Variants in TUFT1 observed in about 807,000 individuals in gnomAD.
The protein encoded by TUFT1 is tuftelin 1.
Under a neutral mutation model 57.8 loss-of-function variants are expected in TUFT1, and 43 were observed. The observed-to-expected ratio is 0.74, with a 90% CI of 0.58 to 0.96. The LOEUF (loss-of-function observed/expected upper bound fraction) is 0.96, where lower values mean the gene tolerates loss of function less well. Among genes scored for constraint, TUFT1 ranks in the 40% least tolerant of loss-of-function variants. TUFT1 has a pLI of 0.00. For missense variants in TUFT1, 459 were observed against 489.0 expected (o/e 0.94, Z 0.58); for synonymous variants, 166 against 176.7 (o/e 0.94, Z 0.48).
intron 6 of TUFT1, among the ~76,000 whole-genome samples, chr1:151,568,595 A>C (rs1666153181): frequency 6.6e-6 from 1 of 152,254 alleles, no homozygotes; most frequent in Non-Finnish European, 1.5e-5. Context: ...TTTAAAGGCC[A>C]TTGGCTCAGG....
In TUFT1 at chr1:151,540,378, G is replaced by A; in HGVS notation, c.12G>A (p.Thr4=). The part of the protein sequence containing the change: MNG[T]RNWCTLVDVH... Reference sequence around the variant, plus strand: ...GACCCCGAGGGAAGATGAACGGGACGCGGAACTGGTGTACCCTGGTGGACG... The same window carrying A: ...GACCCCGAGGGAAGATGAACGGGACACGGAACTGGTGTACCCTGGTGGACG... Residue 4 remains threonine, a synonymous_variant, in exon 1 of 13, where the codon ACG becomes ACA. Coordinates refer to ENST00000368849, the MANE Select transcript of TUFT1 (RefSeq NM_020127.3). 6.2e-7 allele frequency: 1 copy of A among 1,614,160 alleles called. No individual in the cohort carries two copies. Among genetic ancestry groups the A allele is most frequent in the Non-Finnish European group, 8.5e-7 (1 of 1,179,992 alleles).
intron 7 of TUFT1, among the ~76,000 whole-genome samples, chr1:151,570,735 G>A (rs1172008310): frequency 6.6e-6 from 1 of 151,228 alleles, no homozygotes; most frequent in African/African-American, 2.4e-5. Flanking sequence ...TGGAGACAGG[G>A]TCTCACTCTA....
intron 1 of TUFT1, among the ~76,000 whole-genome samples, chr1:151,553,419 A>G (rs1665573170): frequency 6.6e-6 from 1 of 152,180 alleles, no homozygotes; most frequent in African/African-American, 2.4e-5. Flanking sequence ...TTTAATAGAA[A>G]GAGAGGTGGA....
intron 1 of TUFT1, among the ~76,000 whole-genome samples, chr1:151,543,703 G>T (rs1174061067): frequency 6.6e-6 from 1 of 152,140 alleles, no homozygotes; most frequent in East Asian, 1.9e-4. Context: ...GCTGTTTTAG[G>T]TCTCTGCACC....
rs1439362514 is a variant in TUFT1 at position 151,574,446 on chromosome 1, G to A, written c.723+48G>A. On this transcript the variant is annotated intron_variant, in intron 8 of 12. Coordinates refer to ENST00000368849, the MANE Select transcript of TUFT1 (RefSeq NM_020127.3). ...CAGTGCCTGGACTCCTGGGCTGGAA[G>A]GGGCCTGCAGGTGGATCGAAACGGT... 2.5e-6 allele frequency: 4 copies of A among 1,606,876 alleles called. No homozygotes were observed. The African/African-American group carries it at 5.4e-5, about 22-fold the overall frequency.
chr1:151,548,332 C>T (rs1037628094), intron 1 of TUFT1, among the ~76,000 whole-genome samples: 1 of 129,094 alleles, frequency 7.7e-6, no homozygotes, highest in East Asian at 2.4e-4. Context: ...GAGACGGAGT[C>T]TTGCTCTGTC....
intron 11 of TUFT1, among the ~76,000 whole-genome samples, chr1:151,580,325 G>T (rs771869956): frequency 5.3e-5 from 8 of 152,090 alleles, no homozygotes; most frequent in African/African-American, 1.7e-4. Flanking sequence ...ATAGAATAGC[G>T]TATCAACAAA....
rs57179871 is a variant in TUFT1 at position 151,566,308 on chromosome 1, T to TTCTCTC, written c.480+95_480+100dup. 24 of 908,412 alleles carry TTCTCTC rather than the reference T, an allele frequency of 2.6e-5. No individual in the cohort carries two copies. In the East Asian group the frequency reaches 3.8e-4, roughly 14 times the overall value. The allele number at this position is 908,412 out of a possible 1,614,324, so 56.3% of individuals were successfully genotyped here. On this transcript the variant is annotated intron_variant, in intron 6 of 12. Coordinates refer to ENST00000368849, the MANE Select transcript of TUFT1 (RefSeq NM_020127.3). ...CCTCCCCATCCTTTTGTTTATTGCT[T>TTCTCTC]TCTCTCTCTCTCTCTCTCTCATTAA... is the stretch of plus-strand genomic sequence containing the variant.
At chr1:151,562,003 C>T in intron 1 of TUFT1, 88 bp from the exon 2 acceptor site, 1 of 1,481,374 alleles carries the variant, frequency 6.8e-7, no homozygotes, top group Non-Finnish European at 9.4e-7. Context: ...CTCCACAGAG[C>T]TGGCAGAAGC....
At chr1:151,562,234 C>T in intron 2 of TUFT1, 69 bp downstream of exon 2, 2 of 1,385,540 alleles carry the variant, frequency 1.4e-6, no homozygotes, top group Non-Finnish European at 2.0e-6. Context: ...GGCCTCTTAC[C>T]CAAGTACTGC....
At chr1:151,570,971 T>C (rs12068250) in intron 7 of TUFT1, among the ~76,000 whole-genome samples, 3,182 of 152,200 alleles carry the variant, frequency 0.021, 106 homozygotes, top group African/African-American at 0.073. Flanking sequence ...CCTCCCAAAA[T>C]GTGGGGATTA....
At position 151,581,037 on chromosome 1, in the gene TUFT1, G is replaced by A. The variant is rs145044030; in HGVS notation, c.1104G>A (p.Pro368=). The A allele has an allele frequency of 1.6e-5, 26 of 1,613,942 alleles. No individual in the cohort carries two copies. The African/African-American group carries it at 1.9e-4, about 12-fold the overall frequency. ...AGGCCCGGGCCAAGACAGAGAACCC[G>A]GGCAGGTGAGTGAGCGTGTGTAGAT... ...STQARAKTEN[P]GSIRISKPPS... The change falls in exon 12 of 13, where the codon CCG becomes CCA. Residue 368 remains proline (P), a synonymous_variant. Transcript: ENST00000368849.
At position 151,579,654 on chromosome 1, in the gene TUFT1, G is replaced by C; in HGVS notation, c.930G>C (p.Gln310His). 1.9e-6 allele frequency: 3 copies of C among 1,613,952 alleles called. No homozygotes were observed. The highest frequency in any genetic ancestry group is 2.5e-6 in the Non-Finnish European group (3 of 1,179,930). ...TGTCTCCCACACCTTTGCAGCTCCA[G>C]AATTCAAAAGCTGTGATCCAGTCAA... ...RKVRQMIEQL[Q>H]NSKAVIQSKD... The change falls in exon 11 of 13, where the codon CAG becomes CAC. Residue 310 changes from glutamine to histidine, a missense_variant. Gln to His is a conservative substitution (Grantham distance 24). Coordinates refer to ENST00000368849, the MANE Select transcript of TUFT1 (RefSeq NM_020127.3).
intron 2 of TUFT1, 42 bp from the exon 3 acceptor site, chr1:151,562,543 C>CCTCT: frequency 3.2e-6 from 4 of 1,245,570 alleles, no homozygotes; most frequent in Non-Finnish European, 4.6e-6. Flanking sequence ...GTGTCTGAGC[C>CCTCT]ATCTCTCTCT....
At chr1:151,566,882 T>C (rs1267576636) in intron 6 of TUFT1, among the ~76,000 whole-genome samples, 2 of 152,138 alleles carry the variant, frequency 1.3e-5, no homozygotes, top group Non-Finnish European at 2.9e-5. Flanking sequence ...AACTACATAG[T>C]ATTTCCTTCC....
At chr1:151,569,955 C>G in intron 7 of TUFT1, 185 bp downstream of exon 7, 1 of 541,972 alleles carries the variant, frequency 1.8e-6, no homozygotes, top group Non-Finnish European at 3.4e-6. Flanking sequence ...TGTTTACTGT[C>G]CAAGGCCAGC....
At chr1:151,551,822 T>G (rs1558002992) in intron 1 of TUFT1, among the ~76,000 whole-genome samples, 1 of 152,196 alleles carries the variant, frequency 6.6e-6, no homozygotes, top group Admixed American at 6.5e-5. Flanking sequence ...AATACCATAA[T>G]AAGGAGTTTT....
intron 11 of TUFT1, 149 bp from the exon 12 acceptor site, chr1:151,580,793 G>A: frequency 6.1e-6 from 4 of 658,998 alleles, no homozygotes; most frequent in East Asian, 5.5e-5. Context: ...TGAAGATGAG[G>A]CAAGTGGGTA....
intron 1 of TUFT1, among the ~76,000 whole-genome samples, chr1:151,542,804 G>A (rs2102513130): frequency 6.6e-6 from 1 of 152,252 alleles, no homozygotes; most frequent in African/African-American, 2.4e-5. Flanking sequence ...GGGAGGGGAG[G>A]AGATGGTGAA....
Sources: allele counts gnomAD v4.1 joint callset (sites outside exome capture counted in the v4.1 genomes callset), GRCh38; gene constraint gnomAD v4.1.1; transcripts MANE v1.5; gene names NCBI Gene and HGNC (gene_info 2026-07-23, HGNC 2026-07-21).